Variants in CSMD1 observed in about 807,000 individuals in gnomAD.
The protein encoded by CSMD1 is CUB and sushi domain-containing protein 1.
In CSMD1, 213 loss-of-function variants were observed where a neutral mutation model predicts 417.5. That is an observed-to-expected ratio of 0.51 (90% CI 0.46 to 0.57). The LOEUF (loss-of-function observed/expected upper bound fraction) is 0.57. Among genes scored for constraint, CSMD1 ranks in the 20% least tolerant of loss-of-function variants. The probability of loss-of-function intolerance (pLI) is 0.00; values close to 1 mark genes in which losing one functional copy is unlikely to be tolerated. For missense variants in CSMD1, 6,923 were observed against 4,529.7 expected, an observed-to-expected ratio of 1.53 and a Z score of -15.17; for synonymous variants, 2,862 against 1,736.8, an observed-to-expected ratio of 1.65 and a Z score of -16.11.
chr8:4,962,479 G>A (rs371994877), intron 1 of CSMD1, among the ~76,000 whole-genome samples: 283 of 152,234 alleles, frequency 1.9e-3, no homozygotes, highest in Non-Finnish European at 2.2e-3. Flanking sequence ...CTAAAGCTCT[G>A]AGATTCCAGG....
rs546315973 is a variant in CSMD1, at chr8:3,961,331, C to T, written c.818+36572G>A. Among the ~76,000 whole-genome samples, 3 of 152,210 alleles carry T rather than the reference C, an allele frequency of 2.0e-5. No individual in the cohort carries two copies. The East Asian group carries it at 5.8e-4, about 29-fold the overall frequency. ...AAAGTCATCCTTTCAATTAAGGAAA[C>T]ATTTTTAACCGGGTAAGCCACTGAA... is the stretch of plus-strand genomic sequence containing the variant. On this transcript the variant is annotated intron_variant, in intron 5 of 69. Transcript: ENST00000635120.
rs191699255 is a variant in CSMD1, at chr8:4,006,852, G to C, written c.611-8742C>G. 4.1e-3 allele frequency among the ~76,000 whole-genome samples: 454 copies of C among 110,976 alleles called. 5 individuals carry two copies. The highest frequency in any genetic ancestry group is 0.029 in the Middle Eastern group (4 of 140). 72.8% of individuals were successfully genotyped at this position (110,976 alleles called of 152,430 possible). A position where few individuals can be genotyped will look rare whatever the true frequency, so the allele number is the denominator to read the frequency against. ...TTTTTTTTTTTTTTTTTTTGAGATG[G>C]AGACTCACTCTGTTGCCCAGGCTGG... is the stretch of plus-strand genomic sequence containing the variant. On this transcript the variant is annotated intron_variant, in intron 4 of 69. Coordinates refer to ENST00000635120, the MANE Select transcript of CSMD1 (RefSeq NM_033225.6).
intron 5 of CSMD1, among the ~76,000 whole-genome samples, chr8:3,979,247 C>A (rs533328583): frequency 6.6e-6 from 1 of 152,126 alleles, no homozygotes; most frequent in Non-Finnish European, 1.5e-5. Context: ...AAATTTAGGG[C>A]ATCTTTTTGT....
intron 5 of CSMD1, among the ~76,000 whole-genome samples, chr8:3,949,622 G>C (rs751248672): frequency 1.3e-5 from 2 of 152,054 alleles, no homozygotes; most frequent in African/African-American, 2.4e-5. Context: ...GTTTGTTTGG[G>C]AGATGATTTT....
At chr8:3,475,216 G>C (rs1326023622) in intron 11 of CSMD1, among the ~76,000 whole-genome samples, 1 of 152,102 alleles carries the variant, frequency 6.6e-6, no homozygotes, top group African/African-American at 2.4e-5. Context: ...GGTCATCACA[G>C]AATCCTTCAC....
At chr8:3,512,139 T>TGC (rs1289170392) in intron 10 of CSMD1, among the ~76,000 whole-genome samples, 1 of 152,180 alleles carries the variant, frequency 6.6e-6, no homozygotes, top group African/African-American at 2.4e-5. Flanking sequence ...CCAACCACGC[T>TGC]CATAGCACCA....
At position 3,486,149 on chromosome 8, in the gene CSMD1, T is replaced by C. The variant is rs181977888; in HGVS notation, c.1448+7474A>G. ...CCTTGTTTCTTTCTGTTATATTTCA[T>C]TTTCAAATTTGATTCTGAACATGGC... On this transcript the variant is annotated intron_variant, in intron 11 of 69. Coordinates refer to ENST00000635120, the MANE Select transcript of CSMD1 (RefSeq NM_033225.6). 2.6e-3 allele frequency among the ~76,000 whole-genome samples: 394 copies of C among 152,374 alleles called. 3 individuals carry two copies. The highest frequency in any genetic ancestry group is 0.02 in the Middle Eastern group (6 of 294).
At chr8:3,110,662 A>G (rs1488238742) in intron 42 of CSMD1, among the ~76,000 whole-genome samples, 2 of 152,256 alleles carry the variant, frequency 1.3e-5, no homozygotes, top group African/African-American at 4.8e-5. Context: ...CTGAGTGTCC[A>G]GCACAATGAA....
chr8:4,862,701 A>G (rs971029028), intron 1 of CSMD1, among the ~76,000 whole-genome samples: 1 of 152,106 alleles, frequency 6.6e-6, no homozygotes, highest in Admixed American at 6.5e-5. Flanking sequence ...AAGCAAGGCC[A>G]TGGGAGGAAC....
intron 5 of CSMD1, among the ~76,000 whole-genome samples, chr8:3,844,942 T>C (rs1004643350): frequency 2.0e-5 from 3 of 152,238 alleles, no homozygotes; most frequent in Non-Finnish European, 4.4e-5. Flanking sequence ...TGCTTGATTT[T>C]TATTTTAATG....
Position 3,348,095 on chromosome 8 carries a change from T to G in CSMD1, c.3371A>C (p.Tyr1124Ser). 6.2e-7 allele frequency: 1 copy of G among 1,612,774 alleles called. No homozygotes were observed. Among genetic ancestry groups the G allele is most frequent in the Non-Finnish European group, 8.5e-7 (1 of 1,179,280 alleles). ...ATAGATACACTCATGGTTATTATCATAATTGGATGGAAAATTTGGAGACAG... is the reference window on the plus strand; with the variant it reads ...ATAGATACACTCATGGTTATTATCAGAATTGGATGGAAAATTTGGAGACAG... ...TLLSPNFPSN[Y>S]DNNHECIYKI... is the part of the protein sequence containing the mutation. The change falls in exon 22 of 70, where the codon TAT becomes TCT. Residue 1124 changes from tyrosine (Y) to serine (S), a missense_variant. Tyr to Ser is a moderately radical substitution (Grantham distance 144). Transcript: ENST00000635120.
intron 5 of CSMD1, among the ~76,000 whole-genome samples, chr8:3,908,470 G>A (rs1400829164): frequency 6.6e-6 from 1 of 152,074 alleles, no homozygotes; most frequent in Admixed American, 6.6e-5. Context: ...CATTCCCTGG[G>A]CCTTTACACA....
chr8:4,231,389 G>T (rs549300118), intron 3 of CSMD1, among the ~76,000 whole-genome samples: 2 of 152,278 alleles, frequency 1.3e-5, no homozygotes, highest in Admixed American at 6.5e-5. Context: ...GAGAATAGGA[G>T]CATATTTGTC....
At chr8:4,983,368 G>C (rs1811001235) in intron 1 of CSMD1, among the ~76,000 whole-genome samples, 2 of 152,160 alleles carry the variant, frequency 1.3e-5, no homozygotes, top group Admixed American at 6.5e-5. Context: ...CATAGACTGA[G>C]AACATTTATT....
chr8:4,583,366 T>A (rs992250174), intron 2 of CSMD1, among the ~76,000 whole-genome samples: 7 of 152,106 alleles, frequency 4.6e-5, no homozygotes, highest in African/African-American at 1.4e-4. Context: ...CGGCATTCTG[T>A]ATCTAGCTCA....
chr8:4,623,211 A>C (rs1416334022), intron 2 of CSMD1, among the ~76,000 whole-genome samples: 1 of 152,170 alleles, frequency 6.6e-6, no homozygotes, highest in African/African-American at 2.4e-5. Context: ...CAAGGAAGAT[A>C]TCTGAATGAT....
At chr8:3,093,021 C>G (rs1470738596) in intron 47 of CSMD1, among the ~76,000 whole-genome samples, 1 of 152,090 alleles carries the variant, frequency 6.6e-6, no homozygotes, top group Non-Finnish European at 1.5e-5. Flanking sequence ...GTGTAACTCC[C>G]AATCAGAGCA....
intron 18 of CSMD1, among the ~76,000 whole-genome samples, chr8:3,372,473 G>T (rs988512999): frequency 1.3e-5 from 2 of 152,180 alleles, no homozygotes; most frequent in Non-Finnish European, 2.9e-5. Context: ...AAGGGAGGAA[G>T]GTGGTCAGGA....
chr8:4,987,662 C>T (rs2924739), intron 1 of CSMD1, among the ~76,000 whole-genome samples: 53,418 of 151,844 alleles, frequency 0.35, 9,821 homozygotes, highest in Non-Finnish European at 0.39. Flanking sequence ...ATGAAAATTA[C>T]GGTTCCTGGG....
Sources: allele counts gnomAD v4.1 joint callset (sites outside exome capture counted in the v4.1 genomes callset), GRCh38; gene constraint gnomAD v4.1.1; transcripts MANE v1.5; gene names NCBI Gene and HGNC (gene_info 2026-07-23, HGNC 2026-07-21).